CASP4: variants seen among roughly 807,000 people sequenced by gnomAD.
CASP4 encodes the protein caspase 4.
Under a neutral mutation model 41.3 loss-of-function variants are expected in CASP4, and 29 were observed. The ratio of observed to expected loss-of-function variants is 0.70; its 90% CI spans 0.52 to 0.96. The LOEUF is 0.96. Ranked by LOEUF, CASP4 falls within the 40% of genes least tolerant of loss-of-function variation. The pLI is 0.00. For synonymous variants in CASP4, 185 were observed against 158.4 expected (o/e 1.17, Z -1.26); for missense variants, 447 against 460.6 (o/e 0.97, Z 0.27).
At chr11:104,958,355 T>C (rs2134651034) in intron 1 of CASP4, among the ~76,000 whole-genome samples, 1 of 152,186 alleles carries the variant, frequency 6.6e-6, no homozygotes, top group East Asian at 1.9e-4. Context: ...ATCAACAGTA[T>C]GGTAGAGAAG....
intron 3 of CASP4, 122 bp downstream of exon 3, chr11:104,951,774 A>T (rs566370156): frequency 5.6e-6 from 4 of 711,662 alleles, no homozygotes; most frequent in South Asian, 1.5e-5. Context: ...TAGTAAAAGC[A>T]TTATTGAAAA....
intron 2 of CASP4, among the ~76,000 whole-genome samples, chr11:104,952,219 T>C (rs544276160): frequency 3.9e-5 from 6 of 152,082 alleles, no homozygotes; most frequent in Non-Finnish European, 7.4e-5. Context: ...TATATTCTGA[T>C]CATTCTGGGG....
intron 8 of CASP4, chr11:104,943,646 T>C (rs1444222755): frequency 6.6e-6 from 1 of 152,196 alleles, no homozygotes; most frequent in Non-Finnish European, 1.5e-5. Context: ...GCTTTCAGAG[T>C]GTAAGAAATC....
At chr11:104,959,434 A>G (rs192821324) in intron 1 of CASP4, among the ~76,000 whole-genome samples, 4 of 152,356 alleles carry the variant, frequency 2.6e-5, no homozygotes, top group African/African-American at 9.6e-5. Context: ...AATATGTACA[A>G]TGTTTATTTG....
chr11:104,948,395 C>T, intron 6 of CASP4, 138 bp downstream of exon 6: 6 of 848,554 alleles, frequency 7.1e-6, no homozygotes, highest in East Asian at 2.9e-5. Context: ...TCACGGCACA[C>T]ATAAGATCAT....
chr11:104,950,952 TAC>T lies in CASP4; in HGVS notation c.517_518del (p.Val173ArgfsTer28). ...KELLEGLDYS[V>X]DVEENLTARD... ...TGGCTGTCAGATTCTCTTCTACATC[TAC>T]ACTATAGTCCAGACCCTCAAGTAGC... On this transcript the variant is annotated frameshift_variant, in exon 4 of 9. Transcript: ENST00000444739. LOFTEE classifies it high-confidence loss of function. The T allele has an allele frequency of 6.2e-7, 1 of 1,613,000 alleles. No individual in the cohort carries two copies. Among genetic ancestry groups the T allele is most frequent in the Admixed American group, 1.7e-5 (1 of 59,856 alleles).
chr11:104,948,296 G>T, intron 6 of CASP4: 1 of 319,748 alleles, frequency 3.1e-6, no homozygotes, highest in South Asian at 1.1e-4. Flanking sequence ...TGTTAAATGG[G>T]CTTAATAAAA....
chr11:104,962,422 G>A (rs1397075134), intron 1 of CASP4, among the ~76,000 whole-genome samples: 1 of 152,170 alleles, frequency 6.6e-6, no homozygotes, highest in South Asian at 2.1e-4. Flanking sequence ...TACAAGACTA[G>A]TCTTAGCCTA....
intron 1 of CASP4, among the ~76,000 whole-genome samples, chr11:104,958,960 C>CAAAA (rs56678254): frequency 4.6e-4 from 29 of 62,472 alleles, no homozygotes; most frequent in African/African-American, 6.6e-4. Context: ...GACTCTGTCT[C>CAAAA]AAAAAAAAAA....
At position 104,947,202 on chromosome 11, in the gene CASP4, T is replaced by C; in HGVS notation, c.926-10A>G. 6.7e-7 allele frequency: 1 copy of C among 1,494,296 alleles called. No homozygotes were observed. Among genetic ancestry groups the C allele is most frequent in the Non-Finnish European group, 9.3e-7 (1 of 1,074,510 alleles). The allele number at this position is 1,494,296 out of a possible 1,614,324, so 92.6% of individuals were successfully genotyped here. On this transcript the variant is annotated splice_polypyrimidine_tract_variant and intron_variant, in intron 6 of 8. Coordinates refer to ENST00000444739, the MANE Select transcript of CASP4 (RefSeq NM_001225.4). ...CTCCAGGACACGTTGTCTATAATGA[T>C]ACAGATGGGTATGCCTTGGGCTATG...
intron 4 of CASP4, among the ~76,000 whole-genome samples, chr11:104,950,312 G>C (rs1291584997): frequency 6.6e-6 from 1 of 152,056 alleles, no homozygotes; most frequent in Non-Finnish European, 1.5e-5. Context: ...TGTCTTTCCA[G>C]AGCCATCTCC....
At position 104,949,883 on chromosome 11, in the gene CASP4, T is replaced by C. The variant is rs186681208; in HGVS notation, c.547-106A>G. On this transcript the variant is annotated intron_variant, in intron 4 of 8. Coordinates refer to ENST00000444739, the MANE Select transcript of CASP4 (RefSeq NM_001225.4). ...AGAAACATATGTAACATCCAGGTCGTGGTGCTTCACTTAGTGCTTACTCAG... is the reference window on the plus strand; with the variant it reads ...AGAAACATATGTAACATCCAGGTCGCGGTGCTTCACTTAGTGCTTACTCAG... 9.4e-5 allele frequency: 99 copies of C among 1,056,130 alleles called. No homozygotes were observed. The East Asian group carries it at 2.3e-3, about 25-fold the overall frequency. The allele number at this position is 1,056,130 out of a possible 1,614,324, so 65.4% of individuals were successfully genotyped here. A position where few individuals can be genotyped will look rare whatever the true frequency, so the allele number is the denominator to read the frequency against.
At chr11:104,951,738 A>G (rs2134641632) in intron 3 of CASP4, 158 bp downstream of exon 3, 1 of 681,968 alleles carries the variant, frequency 1.5e-6, no homozygotes, top group Non-Finnish European at 2.7e-6. Context: ...GATTGGTATC[A>G]TTGTGAAGTC....
chr11:104,957,949 G>A (rs1360220135), intron 1 of CASP4, among the ~76,000 whole-genome samples: 2 of 152,038 alleles, frequency 1.3e-5, no homozygotes, highest in Non-Finnish European at 2.9e-5. Flanking sequence ...TAGAAACAGA[G>A]AGCAAATGAA....
At chr11:104,958,732 G>A (rs1002589302) in intron 1 of CASP4, among the ~76,000 whole-genome samples, 1 of 151,992 alleles carries the variant, frequency 6.6e-6, no homozygotes, top group Non-Finnish European at 1.5e-5. Context: ...AGGTTAAGGC[G>A]GGCAGATCAC....
In CASP4 at chr11:104,949,560, AC is replaced by A. The variant is rs1489884100; in HGVS notation, c.763del (p.Val255SerfsTer32). 6.2e-7 allele frequency: 1 copy of A among 1,613,786 alleles called. No individual in the cohort carries two copies. Among genetic ancestry groups the A allele is most frequent in the Non-Finnish European group, 8.5e-7 (1 of 1,179,840 alleles). On this transcript the variant is annotated frameshift_variant, in exon 5 of 9. Transcript: ENST00000444739. LOFTEE classifies it high-confidence loss of function. ...SLKDKPKVII[V>X]QACRGANRGE... ...GCACTCACCACCTCTGCAGGCCTGG[AC>A]AATGATGACCTTGGGTTTGTCCTTC...
chr11:104,968,465 A>C, intron 1 of CASP4, 54 bp downstream of exon 1: 1 of 1,508,372 alleles, frequency 6.6e-7, no homozygotes, highest in South Asian at 1.1e-5. Context: ...AGAGCAATAA[A>C]TCAAGTGTTT....
chr11:104,952,676 A>G (rs551035356), intron 2 of CASP4, among the ~76,000 whole-genome samples: 2 of 152,282 alleles, frequency 1.3e-5, no homozygotes, highest in East Asian at 3.9e-4. Flanking sequence ...TGAATCTTGT[A>G]CTTTCAAGGC....
intron 1 of CASP4, among the ~76,000 whole-genome samples, chr11:104,968,160 G>T (rs1331166101): frequency 6.6e-6 from 1 of 152,090 alleles, no homozygotes; most frequent in Non-Finnish European, 1.5e-5. Flanking sequence ...CTGCGAAAAA[G>T]GTTTGTGATC....
Sources: allele counts gnomAD v4.1 joint callset (sites outside exome capture counted in the v4.1 genomes callset), GRCh38; gene constraint gnomAD v4.1.1; transcripts MANE v1.5; gene names NCBI Gene and HGNC (gene_info 2026-07-23, HGNC 2026-07-21).